Variants in MTMR14 observed in about 807,000 individuals in gnomAD.
MTMR14 encodes phosphatidylinositol-3,5-bisphosphate 3-phosphatase MTMR14.
In MTMR14, 48 loss-of-function variants were observed where a neutral mutation model predicts 86.3. The ratio of observed to expected loss-of-function variants is 0.56; its 90% CI spans 0.44 to 0.71. MTMR14 has a LOEUF of 0.71. Among genes scored for constraint, MTMR14 ranks in the 30% least tolerant of loss-of-function variants. The pLI, the probability that MTMR14 is intolerant of heterozygous loss-of-function variation, is 0.00. For missense variants in MTMR14, 780 were observed against 834.6 expected, an observed-to-expected ratio of 0.93 and a Z score of 0.81; for synonymous variants, 366 against 326.1, an observed-to-expected ratio of 1.12 and a Z score of -1.32.
At chr3:9,668,166 A>G (rs920364503) in intron 3 of MTMR14, among the ~76,000 whole-genome samples, 1 of 152,184 alleles carries the variant, frequency 6.6e-6, no homozygotes, top group African/African-American at 2.4e-5. Context: ...AGCCTCTAAA[A>G]CATTTCTCAC....
chr3:9,685,345 C>T (rs2075905226), intron 13 of MTMR14, 98 bp downstream of exon 13: 1 of 1,464,008 alleles, frequency 6.8e-7, no homozygotes, highest in Non-Finnish European at 9.6e-7. Flanking sequence ...CAGCTCCTTG[C>T]CCCAGGTGTG....
chr3:9,652,762 G>A (rs1401224446), intron 1 of MTMR14, among the ~76,000 whole-genome samples: 1 of 151,708 alleles, frequency 6.6e-6, no homozygotes, highest in African/African-American at 2.4e-5. Context: ...GGCTGAGGCG[G>A]GCGGATCACT....
rs1460072576 is a variant in MTMR14 at position 9,675,580 on chromosome 3, T to A, written c.752-1737T>A. ...ATGGTCCCAAATTCTGCAGCACAAA[T>A]CTAATTTGTTTCCTCCTTGAGTGAA... On this transcript the variant is annotated intron_variant, in intron 7 of 18. Coordinates refer to ENST00000296003, the MANE Select transcript of MTMR14 (RefSeq NM_001077525.3). 2.4e-5 allele frequency: 11 copies of A among 457,304 alleles called. No individual in the cohort carries two copies. The East Asian group carries it at 7.6e-4, about 32-fold the overall frequency. 28.3% of individuals were successfully genotyped at this position (457,304 alleles called of 1,614,324 possible). A position where few individuals can be genotyped will look rare whatever the true frequency, so the allele number is the denominator to read the frequency against.
rs2048454269 is a variant in MTMR14 at position 9,669,497 on chromosome 3, G to A, written c.554+5G>A. 3.7e-6 allele frequency: 6 copies of A among 1,612,292 alleles called. No individual in the cohort carries two copies. Among genetic ancestry groups the A allele is most frequent in the Non-Finnish European group, 5.1e-6 (6 of 1,178,944 alleles). ...GGAGGAGGACTGTGCTCTTCGGTCA[G>A]TGCTGGGTTGCTGTGGTCAGGGGCT... On this transcript the variant is annotated splice_donor_5th_base_variant and intron_variant, in intron 5 of 18. Coordinates refer to ENST00000296003, the MANE Select transcript of MTMR14 (RefSeq NM_001077525.3).
At chr3:9,666,573 G>A (rs935539572) in intron 3 of MTMR14, among the ~76,000 whole-genome samples, 1 of 152,180 alleles carries the variant, frequency 6.6e-6, no homozygotes, top group Non-Finnish European at 1.5e-5. Context: ...GATATGATGG[G>A]TTAAGTAAAG....
chr3:9,699,375 G>A (rs570285440), intron 18 of MTMR14: 1 of 152,128 alleles, frequency 6.6e-6, no homozygotes, highest in East Asian at 1.9e-4. Context: ...AGCACTCTAA[G>A]CTGCTAGCCA....
At chr3:9,666,893 T>C (rs901107800) in intron 3 of MTMR14, among the ~76,000 whole-genome samples, 2 of 152,198 alleles carry the variant, frequency 1.3e-5, no homozygotes, top group South Asian at 2.1e-4. Context: ...GTCAGAACCA[T>C]GAGGCAAAGG....
chr3:9,655,079 T>C (rs902647978), intron 2 of MTMR14, among the ~76,000 whole-genome samples: 5 of 152,154 alleles, frequency 3.3e-5, no homozygotes, highest in African/African-American at 9.7e-5. Flanking sequence ...AAGCACTTAC[T>C]AAGATTATGG....
chr3:9,700,913 G>A (rs2076436156), intron 18 of MTMR14: 1 of 152,082 alleles, frequency 6.6e-6, no homozygotes, highest in Non-Finnish European at 1.5e-5. Flanking sequence ...TGCCTCCCGG[G>A]ATCAAGTGAT....
At chr3:9,658,685 G>A (rs937339451) in intron 2 of MTMR14, among the ~76,000 whole-genome samples, 2 of 152,212 alleles carry the variant, frequency 1.3e-5, no homozygotes, top group African/African-American at 4.8e-5. Context: ...TACCTCATCT[G>A]TAAAATTGGG....
chr3:9,653,019 C>CT (rs1489322164), intron 1 of MTMR14, among the ~76,000 whole-genome samples: 1 of 152,026 alleles, frequency 6.6e-6, no homozygotes, highest in Non-Finnish European at 1.5e-5. Flanking sequence ...GGCGGGTCAC[C>CT]TGAGGTCAGG....
In MTMR14 at chr3:9,695,949, C is replaced by T. The variant is rs559201940; in HGVS notation, c.1614-1762C>T. On this transcript the variant is annotated intron_variant, in intron 17 of 18. Coordinates refer to ENST00000296003, the MANE Select transcript of MTMR14 (RefSeq NM_001077525.3). ...TTACAGACTGCCTGAGCCCAAGTTTCTCCATCTAGAAACAAGGAAGCCCTG... is the reference window on the plus strand; with the variant it reads ...TTACAGACTGCCTGAGCCCAAGTTTTTCCATCTAGAAACAAGGAAGCCCTG... Among the ~76,000 whole-genome samples, 6 of 152,296 alleles carry T rather than the reference C, an allele frequency of 3.9e-5. No homozygotes were observed. The South Asian group carries it at 8.3e-4, about 21-fold the overall frequency.
chr3:9,657,488 G>C (rs10510400), intron 2 of MTMR14, among the ~76,000 whole-genome samples: 4,000 of 152,168 alleles, frequency 0.026, 164 homozygotes, highest in African/African-American at 0.09. Flanking sequence ...CAGGTGTTGA[G>C]GTTTTACTTG....
chr3:9,699,653 G>A (rs577477164), intron 18 of MTMR14: 4 of 152,330 alleles, frequency 2.6e-5, no homozygotes, highest in African/African-American at 9.6e-5. Flanking sequence ...CCCTTGCCTG[G>A]TGTGTGTCCT....
In MTMR14 at chr3:9,671,185, C is replaced by T; in HGVS notation, c.677+15C>T. The T allele has an allele frequency of 6.2e-7, 1 of 1,614,110 alleles. No individual in the cohort carries two copies. The highest frequency in any genetic ancestry group is 2.2e-5 in the East Asian group (1 of 44,888). Reference sequence around the variant, plus strand: ...TTTGGCATGAAGTAAGTACAGGCGCCCACTACAAAATGAGCAGAGGCAGTG... The same window carrying T: ...TTTGGCATGAAGTAAGTACAGGCGCTCACTACAAAATGAGCAGAGGCAGTG... On this transcript the variant is annotated intron_variant, in intron 6 of 18. Coordinates refer to ENST00000296003, the MANE Select transcript of MTMR14 (RefSeq NM_001077525.3).
intron 17 of MTMR14, 32 bp from the exon 18 acceptor site, chr3:9,697,679 A>G: frequency 4.4e-6 from 7 of 1,608,326 alleles, no homozygotes; most frequent in South Asian, 1.1e-5. Flanking sequence ...GACTGACTGC[A>G]TCCTCTCCCC....
chr3:9,690,184 T>C (rs765964667), intron 17 of MTMR14, 41 bp downstream of exon 17: 2 of 1,607,444 alleles, frequency 1.2e-6, no homozygotes, highest in Non-Finnish European at 1.7e-6. Context: ...AGTGCCTAGC[T>C]TTCCCCCTTA....
chr3:9,689,543 A>C (rs2076072181), intron 16 of MTMR14, among the ~76,000 whole-genome samples: 1 of 152,172 alleles, frequency 6.6e-6, no homozygotes. Context: ...ATGTTGCATA[A>C]CAAAGTCCTG....
chr3:9,651,033 G>A (rs552637281), intron 1 of MTMR14, among the ~76,000 whole-genome samples: 3 of 152,090 alleles, frequency 2.0e-5, no homozygotes, highest in East Asian at 1.9e-4. Context: ...CAGGTGATCC[G>A]CCTACCTCAG....
Sources: gnomAD v4.1 joint callset for allele counts (sites outside exome capture counted in the v4.1 genomes callset) on GRCh38, gnomAD v4.1.1 for gene constraint, MANE v1.5 for transcripts, NCBI Gene and HGNC (gene_info 2026-07-23, HGNC 2026-07-21) for gene names.